Variants in ESRP1 observed in about 807,000 individuals in gnomAD.
ESRP1 encodes the protein RNA-binding motif protein 35A.
A neutral mutation model predicts 81.7 loss-of-function variants in ESRP1; 33 were observed. That is an observed-to-expected ratio of 0.40 (90% CI 0.31 to 0.54). ESRP1 has a LOEUF of 0.54. ESRP1 is among the 20% of genes least tolerant of loss of function. The pLI is 0.41. For synonymous variants in ESRP1, 320 were observed against 303.3 expected, an observed-to-expected ratio of 1.06 and a Z score of -0.57; for missense variants, 672 against 833.1, an observed-to-expected ratio of 0.81 and a Z score of 2.38.
chr8:94,674,794 G>A (rs1222552525), intron 12 of ESRP1, among the ~76,000 whole-genome samples: 2 of 152,128 alleles, frequency 1.3e-5, no homozygotes, highest in Non-Finnish European at 2.9e-5. Context: ...ACTGACTCTG[G>A]GAGGCAACCT....
In ESRP1 at chr8:94,673,474, A is replaced by C. The variant is rs527317204; in HGVS notation, c.1453-834A>C. Among the ~76,000 whole-genome samples the C allele has an allele frequency of 7.9e-5, 12 of 152,310 alleles. No homozygotes were observed. The East Asian group carries it at 1.9e-3, about 24-fold the overall frequency. On this transcript the variant is annotated intron_variant, in intron 11 of 15. Transcript: ENST00000433389. ...GTAATAATTTCACAGTCCTTAAGAG[A>C]CTTATTGAGAAAACCATAAAATAAG...
At chr8:94,649,951 C>A (rs1413081984) in intron 4 of ESRP1, among the ~76,000 whole-genome samples, 1 of 152,172 alleles carries the variant, frequency 6.6e-6, no homozygotes, top group Non-Finnish European at 1.5e-5. Flanking sequence ...CACCATTGAG[C>A]AGAAAGTATA....
intron 4 of ESRP1, among the ~76,000 whole-genome samples, chr8:94,650,128 T>A (rs1410470767): frequency 2.0e-5 from 3 of 152,194 alleles, no homozygotes; most frequent in Admixed American, 1.3e-4. Context: ...CCAAAGTTCA[T>A]AGTTTACATT....
Position 94,642,017 on chromosome 8 carries a change from A to C in ESRP1, c.194A>C (p.Lys65Thr). The C allele has an allele frequency of 6.2e-7, 1 of 1,614,014 alleles. No homozygotes were observed. The highest frequency in any genetic ancestry group is 1.1e-5 in the South Asian group (1 of 91,088). ...CAGTTGGAACTGACGGAGGACTGCA[A>C]AGAAGAAACTAAAATAGACGTCGAA... is the stretch of plus-strand genomic sequence containing the variant. ...PDQLELTEDCKEETKIDVESL... is the reference protein window; with the variant it reads ...PDQLELTEDCTEETKIDVESL... The change falls in exon 2 of 16, where the codon AAA (lysine) becomes ACA (threonine). Residue 65 changes from lysine to threonine, a missense_variant. By Grantham distance (78) the Lys-to-Thr change is moderately conservative. Coordinates refer to ENST00000433389, the MANE Select transcript of ESRP1 (RefSeq NM_017697.4).
chr8:94,641,546 T>A, intron 1 of ESRP1, 96 bp downstream of exon 1: 2 of 1,513,784 alleles, frequency 1.3e-6, no homozygotes, highest in Non-Finnish European at 1.8e-6. Context: ...AGTAAATAAG[T>A]GCTCTTGTTT....
intron 3 of ESRP1, among the ~76,000 whole-genome samples, chr8:94,643,931 TAA>T (rs888598720): frequency 7.2e-5 from 11 of 152,216 alleles, no homozygotes; most frequent in African/African-American, 2.4e-4. Context: ...ATCATTTCAT[TAA>T]AAAGGCTACT....
chr8:94,705,854 G>T, intron 15 of ESRP1, 71 bp from the exon 16 acceptor site: 1 of 1,310,788 alleles, frequency 7.6e-7, no homozygotes, highest in Non-Finnish European at 1.0e-6. Flanking sequence ...AATCATTTTT[G>T]TGGCTGCTGA....
At chr8:94,683,607 A>G (rs143793870) in intron 13 of ESRP1, among the ~76,000 whole-genome samples, 7 of 152,368 alleles carry the variant, frequency 4.6e-5, no homozygotes, top group South Asian at 2.1e-4. Context: ...AAGTTTTCTT[A>G]CAAGTTAAAT....
intron 7 of ESRP1, 41 bp from the exon 8 acceptor site, chr8:94,664,886 A>ATTTTTTT: frequency 6.4e-7 from 1 of 1,550,720 alleles, no homozygotes; most frequent in Admixed American, 1.7e-5. Flanking sequence ...TCCTCACTGT[A>ATTTTTTT]TTTTTTTTTC....
intron 4 of ESRP1, among the ~76,000 whole-genome samples, chr8:94,661,724 G>C (rs1428246394): frequency 1.3e-5 from 2 of 152,172 alleles, no homozygotes; most frequent in Non-Finnish European, 2.9e-5. Context: ...ACTAGCATCT[G>C]CTGTCATCAA....
chr8:94,678,459 T>G, intron 13 of ESRP1, 88 bp downstream of exon 13: 1 of 1,472,760 alleles, frequency 6.8e-7, no homozygotes, highest in Admixed American at 2.1e-5. Context: ...GAATATTGTC[T>G]GCCATGTTGA....
At chr8:94,671,700 T>C (rs62523421) in intron 11 of ESRP1, 29 bp downstream of exon 11, 67,171 of 1,579,030 alleles carry the variant, frequency 0.043, 1,674 homozygotes, top group Non-Finnish European at 0.051. Context: ...GGAAAACTTA[T>C]TTGCTTTTTC....
Position 94,664,753 on chromosome 8 carries a change from G to A in ESRP1, c.701G>A (p.Trp234Ter). The A allele has an allele frequency of 6.2e-7, 1 of 1,613,952 alleles. No homozygotes were observed. The highest frequency in any genetic ancestry group is 8.5e-7 in the Non-Finnish European group (1 of 1,179,876). The change falls in exon 7 of 16, where the codon TGG (tryptophan) becomes TAG (stop). Residue 234 changes from tryptophan to a stop codon, truncating the protein, a stop_gained. Transcript: ENST00000433389. LOFTEE classifies it high-confidence loss of function. Reference protein sequence around the residue: ...NTVVRARGLPWQSSDQDIARF... With the variant: ...NTVVRARGLP ...GTAGTCAGGGCACGAGGTTTACCAT[G>A]GCAGTCTTCAGATCAAGATATTGCA...
intron 12 of ESRP1, among the ~76,000 whole-genome samples, chr8:94,677,154 G>C (rs1330938266): frequency 1.3e-5 from 2 of 152,028 alleles, no homozygotes; most frequent in Non-Finnish European, 2.9e-5. Context: ...TTTTCTATAC[G>C]CCCATATTTA....
intron 4 of ESRP1, among the ~76,000 whole-genome samples, chr8:94,657,591 A>G (rs1367617647): frequency 6.6e-6 from 1 of 151,824 alleles, no homozygotes; most frequent in Non-Finnish European, 1.5e-5. Flanking sequence ...TGTGACGCTG[A>G]TCCTGGTGTG....
Position 94,700,941 on chromosome 8 carries a change from GTGTGTGTGTGTA to G in ESRP1, c.*35+3992_*35+4003del, listed in dbSNP as rs879445178. On this transcript the variant is annotated intron_variant, in intron 15 of 15. Coordinates refer to ENST00000433389, the MANE Select transcript of ESRP1 (RefSeq NM_017697.4). ...AAGACTCCGACTCAAAAAAAAATGT[GTGTGTGTGTGTA>G]TGTGTGTGTGTGTGTGTGTGTGTGT... Among the ~76,000 whole-genome samples, 18 of 116,276 alleles carry G rather than the reference GTGTGTGTGTGTA, an allele frequency of 1.5e-4. No homozygotes were observed. In the South Asian group the frequency reaches 4.1e-3, roughly 27 times the overall value. 76.3% of individuals were successfully genotyped at this position (116,276 alleles called of 152,430 possible).
intron 1 of ESRP1, 103 bp downstream of exon 1, chr8:94,641,553 G>A: frequency 6.7e-7 from 1 of 1,501,886 alleles, no homozygotes; most frequent in Non-Finnish European, 9.1e-7. Flanking sequence ...AAGTGCTCTT[G>A]TTTGCCCACT....
At chr8:94,702,069 G>T (rs907514922) in intron 15 of ESRP1, among the ~76,000 whole-genome samples, 1 of 152,146 alleles carries the variant, frequency 6.6e-6, no homozygotes, top group Non-Finnish European at 1.5e-5. Context: ...CAGAGCGAGA[G>T]TTAATGAATG....
chr8:94,667,068 G>GGGGTGTGTGTGTGTGTGTGT (rs1554577644), intron 9 of ESRP1, among the ~76,000 whole-genome samples: 323 of 144,316 alleles, frequency 2.2e-3, no homozygotes, highest in African/African-American at 6.2e-3. Context: ...CCAGGAGAGG[G>GGGGTGTGTGTGTGTGTGTGT]GTGTGTGTGT....
Sources: allele counts gnomAD v4.1 joint callset (sites outside exome capture counted in the v4.1 genomes callset), GRCh38; gene constraint gnomAD v4.1.1; transcripts MANE v1.5; gene names NCBI Gene and HGNC (gene_info 2026-07-23, HGNC 2026-07-21).